Variants in SPAG16 observed in about 807,000 individuals in gnomAD.
SPAG16 encodes the protein sperm associated antigen 16.
A neutral mutation model predicts 80.4 loss-of-function variants in SPAG16; 86 were observed. The ratio of observed to expected loss-of-function variants is 1.07; its 90% CI spans 0.90 to 1.28. The LOEUF is 1.28. SPAG16 is among the 50% of genes most tolerant of loss of function. The pLI, the probability that SPAG16 is intolerant of heterozygous loss-of-function variation, is 0.00. For missense variants in SPAG16, 870 were observed against 765.3 expected (o/e 1.14, Z -1.61); for synonymous variants, 294 against 265.9 (o/e 1.11, Z -1.03).
At chr2:214,020,264 G>A (rs1173077813) in intron 13 of SPAG16, among the ~76,000 whole-genome samples, 3 of 151,978 alleles carry the variant, frequency 2.0e-5, no homozygotes, top group Non-Finnish European at 4.4e-5. Flanking sequence ...TAGTCCCTTC[G>A]AGTTTCTACC....
intron 11 of SPAG16, among the ~76,000 whole-genome samples, chr2:213,873,649 C>A (rs1199030795): frequency 2.0e-5 from 3 of 151,916 alleles, no homozygotes; most frequent in African/African-American, 7.3e-5. Context: ...TCAAGCAATG[C>A]TAGAATTATC....
At chr2:213,529,387 A>G (rs1324457660) in intron 10 of SPAG16, among the ~76,000 whole-genome samples, 1 of 152,166 alleles carries the variant, frequency 6.6e-6, no homozygotes, top group East Asian at 1.9e-4. Context: ...ATTTTGAGCT[A>G]TCAATCTGAT....
intron 10 of SPAG16, among the ~76,000 whole-genome samples, chr2:213,558,408 A>G (rs2059496175): frequency 6.6e-6 from 1 of 152,084 alleles, no homozygotes; most frequent in Non-Finnish European, 1.5e-5. Flanking sequence ...TGCTTATAAT[A>G]AAATATGAAT....
rs1404492521 is a variant in SPAG16 at position 214,359,832 on chromosome 2, TGAA to T, written c.1721-50303_1721-50301del. On this transcript the variant is annotated intron_variant, in intron 15 of 15. Coordinates refer to ENST00000331683, the MANE Select transcript of SPAG16 (RefSeq NM_024532.5). ...ATAAATTATTAAAAAAACATTTAAA[TGAA>T]GAAGGTTTGGTCTGCATAATCTGCA... is the stretch of plus-strand genomic sequence containing the variant. 1.1e-4 allele frequency among the ~76,000 whole-genome samples: 16 copies of T among 151,930 alleles called. No homozygotes were observed. The Admixed American group carries it at 1.1e-3, about 10-fold the overall frequency.
At chr2:213,971,599 G>T (rs757713006) in intron 12 of SPAG16, among the ~76,000 whole-genome samples, 1 of 152,060 alleles carries the variant, frequency 6.6e-6, no homozygotes, top group Non-Finnish European at 1.5e-5. Context: ...ATCTATTTCA[G>T]AATTTTTTAT....
At chr2:213,464,775 G>A (rs2072586814) in intron 9 of SPAG16, among the ~76,000 whole-genome samples, 1 of 152,228 alleles carries the variant, frequency 6.6e-6, no homozygotes, top group East Asian at 1.9e-4. Flanking sequence ...CTTTGAGCCA[G>A]TTGGTAGGTT....
chr2:213,374,997 T>A lies in SPAG16; in HGVS notation c.833-13T>A. On this transcript the variant is annotated splice_polypyrimidine_tract_variant and intron_variant, in intron 8 of 15. Transcript: ENST00000331683. ...CAGTGCAAATATTAAGAATAAATTA[T>A]ATTATCTTGTAGTTGATCATAGTCG... is the stretch of plus-strand genomic sequence containing the variant. 6.4e-7 allele frequency: 1 copy of A among 1,551,884 alleles called. No individual in the cohort carries two copies.
chr2:213,396,651 A>C (rs1387143742), intron 9 of SPAG16: 1 of 456,306 alleles, frequency 2.2e-6, no homozygotes, highest in Non-Finnish European at 4.4e-6. Flanking sequence ...CACTATTGGC[A>C]GGAGACAAGA....
intron 10 of SPAG16, among the ~76,000 whole-genome samples, chr2:213,564,984 G>A (rs1044634559): frequency 2.6e-5 from 4 of 152,104 alleles, no homozygotes; most frequent in African/African-American, 9.7e-5. Context: ...TGTAAAAATT[G>A]AAAAACTTAC....
chr2:213,580,108 G>C (rs2060254360), intron 10 of SPAG16, among the ~76,000 whole-genome samples: 1 of 151,778 alleles, frequency 6.6e-6, no homozygotes, highest in Non-Finnish European at 1.5e-5. Context: ...CCCTGAAGTA[G>C]GTCCTAAGAC....
At chr2:213,716,304 C>T (rs1156407267) in intron 10 of SPAG16, among the ~76,000 whole-genome samples, 1 of 152,150 alleles carries the variant, frequency 6.6e-6, no homozygotes, top group African/African-American at 2.4e-5. Context: ...CACAGCATAG[C>T]TTGAAATGTT....
intron 15 of SPAG16, among the ~76,000 whole-genome samples, chr2:214,389,660 C>A (rs1361272559): frequency 2.0e-5 from 3 of 152,182 alleles, no homozygotes; most frequent in Non-Finnish European, 4.4e-5. Flanking sequence ...AATAGAGATG[C>A]CACTATTGAC....
At chr2:213,408,298 C>A (rs1306896531) in intron 9 of SPAG16, among the ~76,000 whole-genome samples, 1 of 152,148 alleles carries the variant, frequency 6.6e-6, no homozygotes, top group East Asian at 1.9e-4. Flanking sequence ...TGTAGCCTTC[C>A]TATAAAAAAT....
intron 12 of SPAG16, among the ~76,000 whole-genome samples, chr2:213,936,672 C>G (rs913535591): frequency 6.6e-6 from 1 of 152,144 alleles, no homozygotes; most frequent in Non-Finnish European, 1.5e-5. Context: ...TTTTCATACA[C>G]CTGAAAGGCA....
intron 11 of SPAG16, among the ~76,000 whole-genome samples, chr2:213,886,590 C>T (rs1272492234): frequency 6.6e-6 from 1 of 151,972 alleles, no homozygotes; most frequent in Non-Finnish European, 1.5e-5. Context: ...AATTGAGATG[C>T]AGTGACGAAA....
intron 12 of SPAG16, among the ~76,000 whole-genome samples, chr2:213,957,802 A>T (rs1213156535): frequency 6.6e-6 from 1 of 152,144 alleles, no homozygotes; most frequent in East Asian, 1.9e-4. Context: ...TAACATCCTA[A>T]AGTTATAGCA....
At chr2:213,886,613 T>C (rs758170399) in intron 11 of SPAG16, among the ~76,000 whole-genome samples, 13 of 152,030 alleles carry the variant, frequency 8.6e-5, no homozygotes, top group African/African-American at 3.1e-4. Context: ...ATTGGTGTAA[T>C]GCTTAATGCC....
At chr2:213,892,004 A>G (rs1331315170) in intron 11 of SPAG16, among the ~76,000 whole-genome samples, 3 of 152,194 alleles carry the variant, frequency 2.0e-5, no homozygotes, top group Non-Finnish European at 4.4e-5. Flanking sequence ...ATAGCCAGTG[A>G]CAAAGGATGG....
At chr2:213,379,176 T>C in intron 9 of SPAG16, among the ~76,000 whole-genome samples, 1 of 152,192 alleles carries the variant, frequency 6.6e-6, no homozygotes, top group East Asian at 1.9e-4. Context: ...GCAAGAATTT[T>C]GCTGGTGGAT....
Sources: gnomAD v4.1 joint callset for allele counts (sites outside exome capture counted in the v4.1 genomes callset) on GRCh38, gnomAD v4.1.1 for gene constraint, MANE v1.5 for transcripts, NCBI Gene and HGNC (gene_info 2026-07-23, HGNC 2026-07-21) for gene names.